The following PKHD1 variants were observed in gnomAD, a reference collection of about 807,000 sequenced individuals.
The protein encoded by PKHD1 is PKHD1 ciliary IPT domain containing fibrocystin/polyductin.
Under a neutral mutation model 412.0 loss-of-function variants are expected in PKHD1, and 291 were observed. That is an observed-to-expected ratio of 0.71 (90% CI 0.64 to 0.78). The LOEUF (loss-of-function observed/expected upper bound fraction) is 0.78. Among genes scored for constraint, PKHD1 ranks in the 30% least tolerant of loss-of-function variants. The pLI is 0.00. For missense variants in PKHD1, 4,825 were observed against 4,950.7 expected, an observed-to-expected ratio of 0.97 and a Z score of 0.76; for synonymous variants, 1,777 against 1,821.5, an observed-to-expected ratio of 0.98 and a Z score of 0.62.
chr6:51,710,634 T>C (rs1780544433), intron 60 of PKHD1, among the ~76,000 whole-genome samples: 2 of 152,172 alleles, frequency 1.3e-5, no homozygotes, highest in East Asian at 1.9e-4. Flanking sequence ...TCATTAAACA[T>C]ATATATCTAT....
At chr6:51,765,200 C>T (rs1788775858) in intron 55 of PKHD1, among the ~76,000 whole-genome samples, 3 of 152,062 alleles carry the variant, frequency 2.0e-5, no homozygotes, top group Non-Finnish European at 4.4e-5. Flanking sequence ...ATCAGGAGGA[C>T]CAGTTGTTCT....
In PKHD1 at chr6:51,931,544, T is replaced by C. The variant is rs116814737; in HGVS notation, c.6121+2566A>G. ...GTGAGGGAGAAGTGACAGGAGAGAA[T>C]TGATGAGCTGCACGTGGGGCTGCGA... On this transcript the variant is annotated intron_variant, in intron 37 of 66. Transcript: ENST00000371117. Among the ~76,000 whole-genome samples, 478 of 152,264 alleles carry C rather than the reference T, an allele frequency of 3.1e-3. 3 individuals are homozygous for C. The highest frequency in any genetic ancestry group is 0.011 in the African/African-American group (445 of 41,544).
At chr6:51,760,477 G>A (rs961904952) in intron 55 of PKHD1, among the ~76,000 whole-genome samples, 2 of 152,070 alleles carry the variant, frequency 1.3e-5, no homozygotes, top group Non-Finnish European at 2.9e-5. Context: ...GGGAAAATTT[G>A]TAGAGTCGGA....
intron 60 of PKHD1, among the ~76,000 whole-genome samples, chr6:51,709,365 C>T (rs1780378977): frequency 6.6e-6 from 1 of 152,216 alleles, no homozygotes; most frequent in African/African-American, 2.4e-5. Context: ...AGGACAACCA[C>T]ACATCCCCAT....
intron 43 of PKHD1, among the ~76,000 whole-genome samples, chr6:51,899,823 A>G (rs1332897282): frequency 6.6e-6 from 1 of 152,244 alleles, no homozygotes; most frequent in Non-Finnish European, 1.5e-5. Flanking sequence ...GCAAAGTCTC[A>G]GGATACAATA....
chr6:51,814,999 G>T (rs190089175), intron 52 of PKHD1, among the ~76,000 whole-genome samples: 79 of 152,308 alleles, frequency 5.2e-4, no homozygotes, highest in African/African-American at 1.7e-3. Flanking sequence ...GTCTTCCAGA[G>T]AAAATCAGCA....
At chr6:51,942,906 G>A (rs947354018) in intron 36 of PKHD1, among the ~76,000 whole-genome samples, 1 of 151,502 alleles carries the variant, frequency 6.6e-6, no homozygotes, top group Non-Finnish European at 1.5e-5. Flanking sequence ...CATCAAGCTC[G>A]GGGATTTGCC....
chr6:51,779,790 A>T (rs1353760756), intron 53 of PKHD1, among the ~76,000 whole-genome samples: 2 of 64,974 alleles, frequency 3.1e-5, no homozygotes, highest in African/African-American at 3.3e-5. Flanking sequence ...AACTGTTGCT[A>T]AAAAAAAAAA....
Position 51,743,719 on chromosome 6 carries a change from G to C in PKHD1, c.10156+666C>G, listed in dbSNP as rs564038053. 2.6e-5 allele frequency among the ~76,000 whole-genome samples: 4 copies of C among 152,276 alleles called. No individual in the cohort carries two copies. In the South Asian group the frequency reaches 8.3e-4, roughly 32 times the overall value. On this transcript the variant is annotated intron_variant, in intron 60 of 66. Coordinates refer to ENST00000371117, the MANE Select transcript of PKHD1 (RefSeq NM_138694.4). The stretch of plus-strand genomic sequence containing the variant: ...CTAAAAAGAATCAACTAATGAGATA[G>C]GGAGAAAACAGAAAAACTTCTTTAC...
chr6:51,946,908 C>T (rs1338680935), intron 36 of PKHD1, among the ~76,000 whole-genome samples: 2 of 152,116 alleles, frequency 1.3e-5, no homozygotes, highest in African/African-American at 4.8e-5. Flanking sequence ...ATTAGTCATC[C>T]TCTATAATAA....
rs775364412 is a variant in PKHD1 at position 51,746,725 on chromosome 6, G to A, written c.9994C>T (p.Pro3332Ser). The A allele has an allele frequency of 1.3e-5, 21 of 1,589,568 alleles. No homozygotes were observed. The South Asian group carries it at 2.3e-4, about 18-fold the overall frequency. ...TATAAATACTAAAAATTATACCTGG[G>A]TTGTAATGAAGGAAAGTAGAACTTG... Reference protein sequence around the residue: ...KNKFYFPSLQPRKDLGKVVCP... With the variant: ...KNKFYFPSLQSRKDLGKVVCP... Residue 3332 changes from proline to serine, a missense_variant, in exon 59 of 67, where the codon CCC becomes TCC. By Grantham distance (74) the Pro-to-Ser change is moderately conservative. Transcript: ENST00000371117.
At chr6:51,765,642 G>T (rs1207540532) in intron 55 of PKHD1, among the ~76,000 whole-genome samples, 1 of 151,862 alleles carries the variant, frequency 6.6e-6, no homozygotes, top group African/African-American at 2.4e-5. Context: ...AGCTATTTTT[G>T]ATCATATCAC....
At chr6:51,795,652 T>C (rs539716500) in intron 52 of PKHD1, among the ~76,000 whole-genome samples, 286 of 152,364 alleles carry the variant, frequency 1.9e-3, no homozygotes, top group Non-Finnish European at 3.6e-3. Context: ...CAATAGAATA[T>C]TGGCTATGAG....
intron 37 of PKHD1, among the ~76,000 whole-genome samples, chr6:51,921,790 G>C (rs944900721): frequency 1.3e-5 from 2 of 152,020 alleles, no homozygotes; most frequent in African/African-American, 2.4e-5. Context: ...GGTCATCTAA[G>C]GTCTTCTCTA....
rs140824077 is a variant in PKHD1, at chr6:52,074,664, G to A, written c.449-1123C>T. Among the ~76,000 whole-genome samples, 439 of 152,312 alleles carry A rather than the reference G, an allele frequency of 2.9e-3. 3 individuals are homozygous for A. Among genetic ancestry groups the A allele is most frequent in the African/African-American group, 0.01 (422 of 41,544 alleles). ...ACAAATGGCCACACCAGAGCACGGT[G>A]ATGGGGGATTCCATGTCGTAGTGAA... On this transcript the variant is annotated intron_variant, in intron 6 of 66. Transcript: ENST00000371117.
chr6:51,965,419 T>C (rs1792666056), intron 35 of PKHD1, among the ~76,000 whole-genome samples: 1 of 152,112 alleles, frequency 6.6e-6, no homozygotes, highest in Non-Finnish European at 1.5e-5. Flanking sequence ...CAAAAGATAG[T>C]GTAGAAAAGT....
chr6:51,991,792 A>G (rs1797070777), intron 35 of PKHD1, among the ~76,000 whole-genome samples: 1 of 152,246 alleles, frequency 6.6e-6, no homozygotes, highest in African/African-American at 2.4e-5. Context: ...ATATATAGTC[A>G]TAGAAATAAA....
Position 51,656,221 on chromosome 6 carries a change from C to A in PKHD1, c.11174+2731G>T, listed in dbSNP as rs565454803. Reference sequence around the variant, plus strand: ...AAGGACAAAGCTGGAAGCCATCATTCTCAGCAAACTAACACAGGAACAGAA... The same window carrying A: ...AAGGACAAAGCTGGAAGCCATCATTATCAGCAAACTAACACAGGAACAGAA... On this transcript the variant is annotated intron_variant, in intron 61 of 66. Transcript: ENST00000371117. Among the ~76,000 whole-genome samples the A allele has an allele frequency of 2.6e-5, 4 of 152,302 alleles. No individual in the cohort carries two copies. The South Asian group carries it at 8.3e-4, about 32-fold the overall frequency.
Position 52,025,806 on chromosome 6 carries a change from T to C in PKHD1, c.4004A>G (p.Asn1335Ser). 1 of 1,614,168 alleles carries C rather than the reference T, an allele frequency of 6.2e-7. No homozygotes were observed. The highest frequency in any genetic ancestry group is 8.5e-7 in the Non-Finnish European group (1 of 1,180,026). The change falls in exon 32 of 67, where the codon AAC (asparagine) becomes AGC (serine). Residue 1335 changes from asparagine (N) to serine (S), a missense_variant. Coordinates refer to ENST00000371117, the MANE Select transcript of PKHD1 (RefSeq NM_138694.4). Reference protein sequence around the residue: ...SNSVILLGNLNCDVETQSFQG... With the variant: ...SNSVILLGNLSCDVETQSFQG... Reference sequence around the variant, plus strand: ...GAAGGACTGTGTCTCAACATCACAGTTCAGGTTCCCCAGAAGGATGACTGA... The same window carrying C: ...GAAGGACTGTGTCTCAACATCACAGCTCAGGTTCCCCAGAAGGATGACTGA...
Sources: allele counts gnomAD v4.1 joint callset (sites outside exome capture counted in the v4.1 genomes callset), GRCh38; gene constraint gnomAD v4.1.1; transcripts MANE v1.5; gene names NCBI Gene and HGNC (gene_info 2026-07-23, HGNC 2026-07-21).